The following ADAMTSL1 variants were observed in gnomAD, a reference collection of about 807,000 sequenced individuals.
ADAMTSL1 encodes the protein ADAMTS like 1.
A neutral mutation model predicts 201.8 loss-of-function variants in ADAMTSL1; 126 were observed. The ratio of observed to expected loss-of-function variants is 0.62; its 90% confidence interval spans 0.54 to 0.72. ADAMTSL1 has a LOEUF of 0.72. ADAMTSL1 is among the 30% of genes least tolerant of loss of function. The pLI, the probability that ADAMTSL1 is intolerant of heterozygous loss-of-function variation, is 0.00. For missense variants in ADAMTSL1, 2,679 were observed against 2,277.8 expected, an observed-to-expected ratio of 1.18 and a Z score of -3.59; for synonymous variants, 1,121 against 903.4, an observed-to-expected ratio of 1.24 and a Z score of -4.32.
intron 20 of ADAMTSL1, among the ~76,000 whole-genome samples, chr9:18,811,683 A>G (rs932522402): frequency 4.6e-5 from 7 of 152,238 alleles, no homozygotes; most frequent in East Asian, 1.9e-4. Context: ...ACAGGCTTCA[A>G]TTGAAACCTA....
intron 20 of ADAMTSL1, 131 bp from the exon 21 acceptor site, chr9:18,816,978 G>C: frequency 1.6e-6 from 2 of 1,217,144 alleles, no homozygotes; most frequent in Non-Finnish European, 2.2e-6. Flanking sequence ...AATTTTTCAA[G>C]AGAAAACATA....
intron 1 of ADAMTSL1, among the ~76,000 whole-genome samples, chr9:17,927,380 G>A (rs1381230299): frequency 2.0e-5 from 3 of 151,648 alleles, no homozygotes; most frequent in Middle Eastern, 3.4e-3. Flanking sequence ...GCATATACAT[G>A]CACACATATA....
At chr9:18,658,284 T>C (rs1828848678) in intron 8 of ADAMTSL1, among the ~76,000 whole-genome samples, 1 of 152,160 alleles carries the variant, frequency 6.6e-6, no homozygotes, top group Non-Finnish European at 1.5e-5. Flanking sequence ...GAGGAAACAG[T>C]CTTTACTTCT....
chr9:18,534,424 CA>C (rs1209087308), intron 3 of ADAMTSL1, among the ~76,000 whole-genome samples: 2 of 152,090 alleles, frequency 1.3e-5, no homozygotes, highest in Non-Finnish European at 2.9e-5. Flanking sequence ...TAAATAGACA[CA>C]AGAGAGATCA....
At chr9:18,615,261 A>C (rs1036706457) in intron 4 of ADAMTSL1, among the ~76,000 whole-genome samples, 14 of 152,192 alleles carry the variant, frequency 9.2e-5, no homozygotes, top group African/African-American at 3.4e-4. Context: ...TGTGTAAAAG[A>C]GGGAATTTTG....
chr9:18,484,440 AG>A (rs1821884851), intron 1 of ADAMTSL1, among the ~76,000 whole-genome samples: 1 of 152,234 alleles, frequency 6.6e-6, no homozygotes, highest in African/African-American at 2.4e-5. Flanking sequence ...TTTATATTTA[AG>A]GTCATTTCTT....
intron 14 of ADAMTSL1, among the ~76,000 whole-genome samples, chr9:18,716,999 A>AC: frequency 1.6e-5 from 2 of 123,802 alleles, no homozygotes; most frequent in Non-Finnish European, 3.7e-5. Flanking sequence ...CAAAAAACCA[A>AC]ACCGCATATT....
intron 1 of ADAMTSL1, among the ~76,000 whole-genome samples, chr9:18,011,951 T>C (rs1480220409): frequency 6.6e-6 from 1 of 152,000 alleles, no homozygotes; most frequent in Non-Finnish European, 1.5e-5. Context: ...CTCTTAGACA[T>C]AGGGGCAATC....
intron 14 of ADAMTSL1, among the ~76,000 whole-genome samples, chr9:18,717,232 TA>T (rs1833005658): frequency 9.8e-5 from 1 of 10,190 alleles, no homozygotes; most frequent in Non-Finnish European, 8.2e-4. Flanking sequence ...ACTTAAAGTA[TA>T]ATAATAATAA....
chr9:18,533,859 T>C (rs1017479955), intron 3 of ADAMTSL1, among the ~76,000 whole-genome samples: 13 of 152,272 alleles, frequency 8.5e-5, no homozygotes, highest in African/African-American at 3.1e-4. Context: ...ATAAAGTTCT[T>C]TGTGGGCTAA....
At chr9:18,210,390 CTAA>C (rs1428725947) in intron 2 of ADAMTSL1, among the ~76,000 whole-genome samples, 26 of 7,072 alleles carry the variant, frequency 3.7e-3, no homozygotes, top group Non-Finnish European at 7.7e-3. Flanking sequence ...CACATATACG[CTAA>C]TATTATATAT....
At chr9:18,303,387 C>A (rs1833778974) in intron 2 of ADAMTSL1, among the ~76,000 whole-genome samples, 1 of 152,210 alleles carries the variant, frequency 6.6e-6, no homozygotes, top group Admixed American at 6.5e-5. Context: ...ATAGGTCTTT[C>A]TTCAACAGGT....
intron 26 of ADAMTSL1, 28 bp from the exon 27 acceptor site, chr9:18,905,754 C>G (rs372066452): frequency 2.5e-6 from 4 of 1,581,696 alleles, no homozygotes; most frequent in African/African-American, 1.3e-5. Context: ...GGCTAATGTG[C>G]GGTATGTTAC....
chr9:18,500,188 C>G (rs944141637), intron 1 of ADAMTSL1, among the ~76,000 whole-genome samples: 3 of 152,182 alleles, frequency 2.0e-5, no homozygotes, highest in Non-Finnish European at 4.4e-5. Flanking sequence ...AGCTGTCAGG[C>G]TTGGAGCTGT....
intron 1 of ADAMTSL1, among the ~76,000 whole-genome samples, chr9:18,134,458 A>G (rs912546974): frequency 1.3e-5 from 2 of 152,218 alleles, no homozygotes; most frequent in Non-Finnish European, 2.9e-5. Flanking sequence ...CTTAGCTACA[A>G]GAAAGAAGCC....
intron 23 of ADAMTSL1, among the ~76,000 whole-genome samples, chr9:18,837,734 T>C (rs1399106634): frequency 6.6e-6 from 1 of 152,212 alleles, no homozygotes; most frequent in Non-Finnish European, 1.5e-5. Context: ...CTGTGGCTGC[T>C]TTCATATTAC....
intron 20 of ADAMTSL1, among the ~76,000 whole-genome samples, chr9:18,807,663 AAAAAAAC>A (rs1823246287): frequency 7.0e-6 from 1 of 141,922 alleles, no homozygotes. Flanking sequence ...AAAAAACAAA[AAAAAAAC>A]AAAGCATACA....
chr9:18,836,825 C>A (rs956679308), intron 23 of ADAMTSL1, among the ~76,000 whole-genome samples: 1 of 151,878 alleles, frequency 6.6e-6, no homozygotes, highest in Non-Finnish European at 1.5e-5. Context: ...CCTTCTTGGT[C>A]AGATATATTC....
intron 1 of ADAMTSL1, among the ~76,000 whole-genome samples, chr9:18,487,763 G>T (rs1356210430): frequency 4.6e-5 from 7 of 152,152 alleles, no homozygotes; most frequent in Admixed American, 6.5e-5. Flanking sequence ...ATGCAGTACA[G>T]ATTATTTTCC....
Sources: gnomAD v4.1 joint callset for allele counts (sites outside exome capture counted in the v4.1 genomes callset) on GRCh38, gnomAD v4.1.1 for gene constraint, MANE v1.5 for transcripts, NCBI Gene and HGNC (gene_info 2026-07-23, HGNC 2026-07-21) for gene names.